The following SPATA33 variants were observed in gnomAD, a reference collection of about 807,000 sequenced individuals.
SPATA33 encodes spermatogenesis-associated protein 33.
SPATA33 carries 10 observed loss-of-function variants against 8.9 expected under a neutral mutation model. That is an observed-to-expected ratio of 1.12 (90% CI 0.69 to 1.90). SPATA33 has a LOEUF of 1.90. Among genes scored for constraint, SPATA33 ranks in the 40% most tolerant of loss-of-function variants. SPATA33 has a pLI of 0.00. For missense variants in SPATA33, 241 were observed against 178.3 expected, an observed-to-expected ratio of 1.35 and a Z score of -2.00; for synonymous variants, 96 against 72.8, an observed-to-expected ratio of 1.32 and a Z score of -1.63.
intron 2 of SPATA33, chr16:89,659,721 G>A (rs1331123895): frequency 1.3e-5 from 2 of 152,326 alleles, no homozygotes; most frequent in African/African-American, 2.4e-5. Flanking sequence ...AGAACCACTC[G>A]GGTCAGACAA....
intron 2 of SPATA33, chr16:89,661,242 A>C: frequency 2.9e-4 from 286 of 974,048 alleles, no homozygotes; most frequent in Non-Finnish European, 3.2e-4. Context: ...CCCAAATCTC[A>C]TTTTGAATTC....
intron 2 of SPATA33, among the ~76,000 whole-genome samples, chr16:89,665,399 G>C (rs1410494968): frequency 6.6e-6 from 1 of 152,056 alleles, no homozygotes; most frequent in African/African-American, 2.4e-5. Context: ...CCGCCTCCCG[G>C]GTTCATGCCA....
chr16:89,668,387 G>A (rs181236925), intron 2 of SPATA33, among the ~76,000 whole-genome samples: 3 of 152,232 alleles, frequency 2.0e-5, no homozygotes, highest in Admixed American at 6.5e-5. Context: ...ATCCAGGTTC[G>A]TGAGCTACCA....
chr16:89,662,790 C>G (rs1036108637), intron 2 of SPATA33, among the ~76,000 whole-genome samples: 3 of 148,700 alleles, frequency 2.0e-5, no homozygotes, highest in Non-Finnish European at 4.5e-5. Context: ...ACTTTTGTGA[C>G]GTTTTGTTGT....
At chr16:89,659,145 A>C (rs1399084983) in intron 2 of SPATA33, 3 of 152,060 alleles carry the variant, frequency 2.0e-5, no homozygotes, top group Non-Finnish European at 4.4e-5. Context: ...CAAAAAATAA[A>C]TATTTAAAAA....
intron 2 of SPATA33, chr16:89,660,064 T>A (rs1412449227): frequency 1.9e-5 from 3 of 155,434 alleles, no homozygotes; most frequent in Non-Finnish European, 4.3e-5. Context: ...ACACAGGGAT[T>A]TAATGTCTCA....
chr16:89,658,891 G>A lies in SPATA33; in HGVS notation c.211+470G>A, dbSNP rs577684086. 2.3e-5 allele frequency: 4 copies of A among 170,704 alleles called. 1 individual carries two copies. The South Asian group carries it at 5.2e-4, about 22-fold the overall frequency. 10.6% of individuals were successfully genotyped at this position (170,704 alleles called of 1,614,324 possible). A position where few individuals can be genotyped will look rare whatever the true frequency, so the allele number is the denominator to read the frequency against. On this transcript the variant is annotated intron_variant, in intron 2 of 2. Coordinates refer to ENST00000579310, the MANE Select transcript of SPATA33 (RefSeq NM_001271907.2). ...AAGGTGTCTTTTATAACAGCCTAGT[G>A]TGGCCAGACCTTTGGGTGTGTGTGG...
At chr16:89,658,097 C>G (rs915546606) in intron 1 of SPATA33, 149 bp downstream of exon 1, 4 of 1,483,568 alleles carry the variant, frequency 2.7e-6, no homozygotes, top group Non-Finnish European at 2.7e-6. Flanking sequence ...CCACGGACGG[C>G]GCGTTTCCCG....
chr16:89,669,357 T>A lies in SPATA33; in HGVS notation c.283T>A (p.Ser95Thr). The change falls in exon 3 of 3, where the codon TCG becomes ACG. Residue 95 changes from serine to threonine, a missense_variant. Physicochemically the swap from Ser to Thr is moderately conservative, Grantham distance 58 (BLOSUM62 1). Coordinates refer to ENST00000579310, the MANE Select transcript of SPATA33 (RefSeq NM_001271907.2). Reference protein sequence around the residue: ...VVPQIIITRASNETLVSCSSS... With the variant: ...VVPQIIITRATNETLVSCSSS... The stretch of plus-strand genomic sequence containing the variant: ...TCCACAGATCATCATCACGCGAGCG[T>A]CGAATGAGACGCTAGTCAGTTGCAG... 6.2e-7 allele frequency: 1 copy of A among 1,614,016 alleles called. No homozygotes were observed. Among genetic ancestry groups the A allele is most frequent in the Non-Finnish European group, 8.5e-7 (1 of 1,180,016 alleles).
At chr16:89,661,793 T>C (rs992334460) in intron 2 of SPATA33, among the ~76,000 whole-genome samples, 1 of 152,016 alleles carries the variant, frequency 6.6e-6, no homozygotes, top group Admixed American at 6.6e-5. Flanking sequence ...GACAGTCAGA[T>C]GGGGTATCTG....
chr16:89,664,760 AAATT>A (rs926858320), intron 2 of SPATA33, among the ~76,000 whole-genome samples: 2 of 152,320 alleles, frequency 1.3e-5, no homozygotes, highest in Non-Finnish European at 2.9e-5. Flanking sequence ...AACCGGGAAT[AAATT>A]CTGCCTCCAA....
intron 1 of SPATA33, 140 bp from the exon 2 acceptor site, chr16:89,658,108 C>T (rs1309240566): frequency 5.3e-6 from 8 of 1,499,208 alleles, no homozygotes; most frequent in Admixed American, 2.4e-5. Flanking sequence ...GCGTTTCCCG[C>T]CTGAGGCGGT....
intron 1 of SPATA33, 50 bp from the exon 2 acceptor site, chr16:89,658,198 G>A: frequency 2.5e-6 from 4 of 1,609,166 alleles, no homozygotes; most frequent in Non-Finnish European, 2.6e-6. Context: ...GGGACCCACT[G>A]CCCTGCATTC....
chr16:89,664,101 A>T (rs1232538910), intron 2 of SPATA33, among the ~76,000 whole-genome samples: 2 of 152,212 alleles, frequency 1.3e-5, no homozygotes, highest in Admixed American at 1.3e-4. Context: ...CCCCGGCGAC[A>T]GAGTAAGACC....
Position 89,669,655 on chromosome 16 carries a change from T to A in SPATA33, c.*158T>A, listed in dbSNP as rs1157502858. 1.4e-6 allele frequency: 1 copy of A among 700,482 alleles called. No individual in the cohort carries two copies. The highest frequency in any genetic ancestry group is 2.3e-6 in the Non-Finnish European group (1 of 430,926). The allele number at this position is 700,482 out of a possible 1,614,324, so 43.4% of individuals were successfully genotyped here. A position where few individuals can be genotyped will look rare whatever the true frequency, so the allele number is the denominator to read the frequency against. On this transcript the variant is annotated 3_prime_UTR_variant, in exon 3 of 3. Transcript: ENST00000579310. ...GAGAAACTGCAGCCCCCTTCTCCAG[T>A]GCTTTCGGGGAGGGTGCACCAGGCC... is the stretch of plus-strand genomic sequence containing the variant.
At chr16:89,661,121 T>C in intron 2 of SPATA33, 1 of 985,494 alleles carries the variant, frequency 1.0e-6, no homozygotes, top group Non-Finnish European at 1.2e-6. Flanking sequence ...GGTAAGTTAC[T>C]ATGAAGCAGT....
rs2059914440 is a variant in SPATA33 at position 89,658,396 on chromosome 16, C to CCCG, written c.193_195dup (p.Pro65dup). ...ACCCGGGGGCCGGGACAGCCAAGCA[C>CCCG]CCGCCGCCGGCAGCTTCGCTGGAAG... On this transcript the variant is annotated inframe_insertion, in exon 2 of 3. Coordinates refer to ENST00000579310, the MANE Select transcript of SPATA33 (RefSeq NM_001271907.2). 3 of 1,611,058 alleles carry CCCG rather than the reference C, an allele frequency of 1.9e-6. No homozygotes were observed. Among genetic ancestry groups the CCCG allele is most frequent in the Non-Finnish European group, 2.5e-6 (3 of 1,179,264 alleles).
At chr16:89,668,176 G>C (rs905691754) in intron 2 of SPATA33, 3 of 152,246 alleles carry the variant, frequency 2.0e-5, no homozygotes, top group African/African-American at 7.2e-5. Context: ...CCCAGGTGTG[G>C]TGGCAGGAGC....
In SPATA33 at chr16:89,658,209, G is replaced by T. The variant is rs767711992; in HGVS notation, c.38-39G>T. The T allele has an allele frequency of 6.2e-7, 1 of 1,610,854 alleles. No homozygotes were observed. Among genetic ancestry groups the T allele is most frequent in the South Asian group, 1.1e-5 (1 of 90,920 alleles). On this transcript the variant is annotated intron_variant, in intron 1 of 2. Transcript: ENST00000579310. ...CGATGGGACCCACTGCCCTGCATTC[G>T]GTAAGTCCCGGGTCTAACGGATGAT...
Sources: gnomAD v4.1 joint callset for allele counts (sites outside exome capture counted in the v4.1 genomes callset) on GRCh38, gnomAD v4.1.1 for gene constraint, MANE v1.5 for transcripts, NCBI Gene and HGNC (gene_info 2026-07-23, HGNC 2026-07-21) for gene names.